Variants in FOXP1 observed in about 807,000 individuals in gnomAD.
FOXP1 encodes the protein forkhead box protein P1.
Under a neutral mutation model 98.2 loss-of-function variants are expected in FOXP1, and 15 were observed. The ratio of observed to expected loss-of-function variants is 0.15; its 90% CI spans 0.10 to 0.24. FOXP1 has a LOEUF of 0.24. Among genes scored for constraint, FOXP1 ranks in the 10% least tolerant of loss-of-function variants. FOXP1 has a pLI of 1.00. For missense variants in FOXP1, 633 were observed against 848.5 expected, an observed-to-expected ratio of 0.75 and a Z score of 3.15; for synonymous variants, 371 against 314.5, an observed-to-expected ratio of 1.18 and a Z score of -1.90.
intron 13 of FOXP1, among the ~76,000 whole-genome samples, chr3:71,000,717 A>G (rs1189915655): frequency 6.6e-5 from 10 of 151,876 alleles, no homozygotes; most frequent in Non-Finnish European, 1.3e-4. Context: ...CTGCATACAC[A>G]CAGGTGCCCA....
At chr3:71,102,940 T>C (rs940221584) in intron 7 of FOXP1, among the ~76,000 whole-genome samples, 1 of 152,164 alleles carries the variant, frequency 6.6e-6, no homozygotes, top group Non-Finnish European at 1.5e-5. Flanking sequence ...CCCTGTAAAA[T>C]GGGAATAATA....
At chr3:71,438,183 TC>T (rs1356990831) in intron 3 of FOXP1, among the ~76,000 whole-genome samples, 1 of 152,228 alleles carries the variant, frequency 6.6e-6, no homozygotes, top group Non-Finnish European at 1.5e-5. Context: ...ACATGTAGAC[TC>T]TTTAAGAACA....
chr3:71,070,107 T>A (rs750824698), intron 7 of FOXP1, among the ~76,000 whole-genome samples: 30 of 152,178 alleles, frequency 2.0e-4, no homozygotes, highest in Non-Finnish European at 3.5e-4. Flanking sequence ...AAAAGACAAC[T>A]TTTAAAGCCA....
intron 3 of FOXP1, among the ~76,000 whole-genome samples, chr3:71,466,513 G>A (rs953206229): frequency 6.6e-6 from 1 of 152,184 alleles, no homozygotes; most frequent in Non-Finnish European, 1.5e-5. Context: ...TAAAATGACA[G>A]TCCAAGCAAT....
intron 6 of FOXP1, among the ~76,000 whole-genome samples, chr3:71,192,914 T>C (rs549862560): frequency 1.6e-4 from 24 of 152,284 alleles, no homozygotes; most frequent in African/African-American, 5.5e-4. Flanking sequence ...CCTCCCAAAA[T>C]GGTGGGATTA....
intron 6 of FOXP1, among the ~76,000 whole-genome samples, chr3:71,185,827 G>GGAA (rs1437091137): frequency 2.0e-5 from 3 of 152,112 alleles, no homozygotes. Flanking sequence ...ATCTCCTGAT[G>GGAA]GAAGAGGTTA....
chr3:71,293,896 A>G (rs938326164), intron 5 of FOXP1, among the ~76,000 whole-genome samples: 2 of 152,232 alleles, frequency 1.3e-5, no homozygotes, highest in East Asian at 1.9e-4. Context: ...CCTTGTAAGA[A>G]TATTTCAAGC....
chr3:71,575,418 T>G (rs1293365935), intron 2 of FOXP1, among the ~76,000 whole-genome samples: 1 of 152,094 alleles, frequency 6.6e-6, no homozygotes, highest in Non-Finnish European at 1.5e-5. Flanking sequence ...AAATTCTGAC[T>G]CAAGGATCTG....
At chr3:71,065,024 C>CG in intron 7 of FOXP1, 1 of 137,334 alleles carries the variant, frequency 7.3e-6, no homozygotes. Flanking sequence ...CCTCTAAACA[C>CG]CCCGCGCCGC....
intron 13 of FOXP1, among the ~76,000 whole-genome samples, chr3:70,998,840 C>G (rs1215450926): frequency 6.6e-6 from 1 of 152,178 alleles, no homozygotes; most frequent in Non-Finnish European, 1.5e-5. Flanking sequence ...TTTCCTTCTC[C>G]TGACCTCTTT....
intron 3 of FOXP1, among the ~76,000 whole-genome samples, chr3:71,480,949 T>A (rs2090225895): frequency 6.6e-6 from 1 of 152,210 alleles, no homozygotes; most frequent in African/African-American, 2.4e-5. Flanking sequence ...CCTCAAACAC[T>A]GAGGCACAAG....
chr3:71,063,766 GA>G (rs1174106023), intron 7 of FOXP1, among the ~76,000 whole-genome samples: 1 of 152,146 alleles, frequency 6.6e-6, no homozygotes, highest in Non-Finnish European at 1.5e-5. Context: ...AAATTGGTTT[GA>G]TTAGAACATT....
At chr3:71,188,737 A>C (rs1420102882) in intron 6 of FOXP1, among the ~76,000 whole-genome samples, 2 of 152,194 alleles carry the variant, frequency 1.3e-5, no homozygotes, top group East Asian at 3.8e-4. Flanking sequence ...TGGCTGTGAT[A>C]CTGACAACTC....
chr3:70,987,894 C>T (rs1159449035), intron 14 of FOXP1, 100 bp downstream of exon 14: 2 of 1,085,258 alleles, frequency 1.8e-6, no homozygotes, highest in East Asian at 4.7e-5. Flanking sequence ...CAAAGCTCCA[C>T]CAAAGTAGGC....
chr3:71,035,305 C>A (rs1365466290), intron 11 of FOXP1, among the ~76,000 whole-genome samples: 1 of 152,150 alleles, frequency 6.6e-6, no homozygotes, highest in Non-Finnish European at 1.5e-5. Context: ...TTAACAAATA[C>A]CCTATGAAAA....
intron 3 of FOXP1, among the ~76,000 whole-genome samples, chr3:71,362,687 C>A (rs1331077138): frequency 1.3e-5 from 2 of 152,154 alleles, no homozygotes; most frequent in African/African-American, 4.8e-5. Context: ...CCAGGCTGGT[C>A]TGAAACTCCT....
intron 11 of FOXP1, among the ~76,000 whole-genome samples, chr3:71,027,599 C>A (rs1441838025): frequency 6.6e-6 from 1 of 152,150 alleles, no homozygotes; most frequent in Non-Finnish European, 1.5e-5. Context: ...TTGTGATAAT[C>A]ATGTTAGGTT....
At chr3:71,083,036 G>A (rs1033740154) in intron 7 of FOXP1, among the ~76,000 whole-genome samples, 6 of 152,124 alleles carry the variant, frequency 3.9e-5, no homozygotes, top group Admixed American at 1.3e-4. Flanking sequence ...CATCATCCGG[G>A]GGATGCAGGG....
intron 5 of FOXP1, among the ~76,000 whole-genome samples, chr3:71,294,544 A>G (rs115968036): frequency 0.025 from 3,864 of 152,212 alleles, 119 homozygotes; most frequent in Middle Eastern, 0.034. Context: ...CGGTGCTATA[A>G]TCTCAGCACC....
Sources: allele counts gnomAD v4.1 joint callset (sites outside exome capture counted in the v4.1 genomes callset), GRCh38; gene constraint gnomAD v4.1.1; transcripts MANE v1.5; gene names NCBI Gene and HGNC (gene_info 2026-07-23, HGNC 2026-07-21).